Variants in CRYBG1 observed in about 807,000 individuals in gnomAD.
The protein encoded by CRYBG1 is beta/gamma crystallin domain-containing protein 1.
Under a neutral mutation model 189.2 loss-of-function variants are expected in CRYBG1, and 139 were observed. The ratio of observed to expected loss-of-function variants is 0.73; its 90% CI spans 0.64 to 0.85. The LOEUF (loss-of-function observed/expected upper bound fraction) is 0.85. CRYBG1 is among the 40% of genes least tolerant of loss of function. CRYBG1 has a pLI of 0.00. For synonymous variants in CRYBG1, 1,023 were observed against 1,017.1 expected, an observed-to-expected ratio of 1.01 and a Z score of -0.11; for missense variants, 2,611 against 2,675.8, an observed-to-expected ratio of 0.98 and a Z score of 0.53.
intron 1 of CRYBG1, among the ~76,000 whole-genome samples, chr6:106,375,014 G>T (rs1250683438): frequency 1.3e-5 from 2 of 152,046 alleles, no homozygotes; most frequent in Non-Finnish European, 2.9e-5. Context: ...ACATATTGAG[G>T]TGGGGGGGGC....
chr6:106,383,941 C>T (rs1285677340), intron 1 of CRYBG1, among the ~76,000 whole-genome samples: 1 of 152,186 alleles, frequency 6.6e-6, no homozygotes, highest in Non-Finnish European at 1.5e-5. Context: ...GGCCAGTCAG[C>T]TTTGCACAGA....
intron 13 of CRYBG1, among the ~76,000 whole-genome samples, chr6:106,548,008 AT>A (rs1353152621): frequency 6.6e-6 from 1 of 152,208 alleles, no homozygotes; most frequent in Non-Finnish European, 1.5e-5. Flanking sequence ...GTTGTTTTAA[AT>A]TCTTTTTCCT....
chr6:106,495,819 T>A (rs1321761211), intron 2 of CRYBG1, among the ~76,000 whole-genome samples: 47 of 128,438 alleles, frequency 3.7e-4, no homozygotes, highest in African/African-American at 5.6e-4. Context: ...TTTCCTTGAG[T>A]AAAAAAAAAA....
chr6:106,552,541 C>T (rs1676013), intron 15 of CRYBG1, among the ~76,000 whole-genome samples: 8,472 of 123,970 alleles, frequency 0.068, 803 homozygotes, highest in African/African-American at 0.23. Flanking sequence ...GAGCCGAGAT[C>T]GCACCACTGC....
At position 106,422,344 on chromosome 6, in the gene CRYBG1, A is replaced by ATTTATTTATTTATTTATTTATTTTTTTT. The variant is rs57640822; in HGVS notation, c.174-29347_174-29346insATTTATTTATTTATTTATTTTTTTTTTT. 1.0e-3 allele frequency among the ~76,000 whole-genome samples: 143 copies of ATTTATTTATTTATTTATTTATTTTTTTT among 139,980 alleles called. No homozygotes were observed. The Middle Eastern group carries it at 0.011, about 10-fold the overall frequency. The allele number at this position is 139,980 out of a possible 152,430, so 91.8% of individuals were successfully genotyped here. ...TTGTTATTTATTTATTTATTTATTTATTTTTGAGACATGGTCTCACTTGGT... is the reference window on the plus strand; with the variant it reads ...TTGTTATTTATTTATTTATTTATTTATTTATTTATTTATTTATTTATTTTTTTTTTTTTGAGACATGGTCTCACTTGGT... On this transcript the variant is annotated intron_variant, in intron 1 of 21. Transcript: ENST00000633556.
intron 9 of CRYBG1, 71 bp downstream of exon 9, chr6:106,539,600 CT>C: frequency 6.6e-7 from 1 of 1,512,242 alleles, no homozygotes; most frequent in Admixed American, 2.1e-5. Flanking sequence ...CAGGGTGTGA[CT>C]TTGAAGCAAT....
chr6:106,424,471 C>CT (rs995511203), intron 1 of CRYBG1, among the ~76,000 whole-genome samples: 40 of 151,834 alleles, frequency 2.6e-4, no homozygotes, highest in Admixed American at 2.2e-3. Flanking sequence ...CCCACCACCT[C>CT]TTTTTTTTAA....
chr6:106,480,515 A>C (rs1268159281), intron 2 of CRYBG1, among the ~76,000 whole-genome samples: 2 of 142,828 alleles, frequency 1.4e-5, no homozygotes, highest in Non-Finnish European at 3.0e-5. Flanking sequence ...AAAAAAAAAA[A>C]ATTTAGCCAG....
intron 1 of CRYBG1, among the ~76,000 whole-genome samples, chr6:106,377,521 G>A (rs1459999445): frequency 6.6e-6 from 1 of 151,614 alleles, no homozygotes; most frequent in African/African-American, 2.4e-5. Flanking sequence ...GAATGTCAGT[G>A]TTTTCTGTGA....
intron 18 of CRYBG1, 41 bp downstream of exon 18, chr6:106,558,666 T>A: frequency 6.5e-7 from 1 of 1,539,878 alleles, no homozygotes. Flanking sequence ...TAGATCATTT[T>A]AAAAATCAAG....
At chr6:106,518,975 G>GCGCACACACACA (rs1554188403) in intron 3 of CRYBG1, among the ~76,000 whole-genome samples, 156 bp from the exon 4 acceptor site, 22 of 134,366 alleles carry the variant, frequency 1.6e-4, no homozygotes, top group East Asian at 8.1e-4. Flanking sequence ...ACATGTGTGC[G>GCGCACACACACA]CACACACACA....
At chr6:106,485,622 AATATAT>A (rs1186897007) in intron 2 of CRYBG1, among the ~76,000 whole-genome samples, 1 of 152,176 alleles carries the variant, frequency 6.6e-6, no homozygotes, top group African/African-American at 2.4e-5. Context: ...GTGGGTTTGT[AATATAT>A]GGCCTTTATT....
At position 106,511,475 on chromosome 6, in the gene CRYBG1, G is replaced by A. The variant is rs1196684211; in HGVS notation, c.358G>A (p.Gly120Arg). ...PEDNRRKPVL[G>R]KLGTLFTAGR... ...AGACAACAGAAGGAAGCCAGTTTTG[G>A]GGAAACTTGGCACTCTATTCACTGC... is the stretch of plus-strand genomic sequence containing the variant. The change falls in exon 3 of 22, where the codon GGG (glycine) becomes AGG (arginine). Residue 120 changes from glycine (G) to arginine (R), a missense_variant. Physicochemically the swap from Gly to Arg is moderately radical, Grantham distance 125 (BLOSUM62 -2). Coordinates refer to ENST00000633556, the MANE Select transcript of CRYBG1 (RefSeq NM_001371242.2). 6.5e-7 allele frequency: 1 copy of A among 1,535,664 alleles called. No individual in the cohort carries two copies. Among genetic ancestry groups the A allele is most frequent in the Non-Finnish European group, 8.7e-7 (1 of 1,146,660 alleles).
At chr6:106,525,598 A>T (rs1773721409) in intron 6 of CRYBG1, among the ~76,000 whole-genome samples, 2 of 152,204 alleles carry the variant, frequency 1.3e-5, no homozygotes, top group South Asian at 4.1e-4. Flanking sequence ...TATGGGAGAA[A>T]AATCAGAACA....
chr6:106,476,614 A>T (rs1175044274), intron 2 of CRYBG1, among the ~76,000 whole-genome samples: 2 of 152,150 alleles, frequency 1.3e-5, no homozygotes, highest in African/African-American at 4.8e-5. Context: ...CTGATTTTGT[A>T]TCAAGGTTAT....
At chr6:106,422,212 G>A (rs905867934) in intron 1 of CRYBG1, among the ~76,000 whole-genome samples, 1 of 152,078 alleles carries the variant, frequency 6.6e-6, no homozygotes, top group Admixed American at 6.5e-5. Context: ...TTCCTTTATG[G>A]CCACAATCCT....
At chr6:106,475,296 C>G (rs1002043239) in intron 2 of CRYBG1, among the ~76,000 whole-genome samples, 1 of 152,144 alleles carries the variant, frequency 6.6e-6, no homozygotes, top group Non-Finnish European at 1.5e-5. Context: ...GTCCCTTGCT[C>G]TAAATGAATG....
intron 16 of CRYBG1, 84 bp from the exon 17 acceptor site, chr6:106,555,684 A>G: frequency 6.7e-7 from 1 of 1,482,706 alleles, no homozygotes; most frequent in South Asian, 1.3e-5. Context: ...ATTTTATAGC[A>G]GGCCACCTCT....
chr6:106,451,651 T>C, intron 1 of CRYBG1, 43 bp from the exon 2 acceptor site: 1 of 1,443,374 alleles, frequency 6.9e-7, no homozygotes, highest in Non-Finnish European at 9.1e-7. Context: ...ATTTTGGCAT[T>C]GTTCATAGTG....
Sources: gnomAD v4.1 joint callset for allele counts (sites outside exome capture counted in the v4.1 genomes callset) on GRCh38, gnomAD v4.1.1 for gene constraint, MANE v1.5 for transcripts, NCBI Gene and HGNC (gene_info 2026-07-23, HGNC 2026-07-21) for gene names.